MRC2: variants seen among roughly 807,000 people sequenced by gnomAD.
MRC2 encodes the protein C-type mannose receptor 2.
A neutral mutation model predicts 206.2 loss-of-function variants in MRC2; 84 were observed. The observed-to-expected ratio is 0.41, with a 90% CI of 0.34 to 0.49. The LOEUF is 0.49. MRC2 is among the 20% of genes least tolerant of loss of function. The pLI is 0.31. For synonymous variants in MRC2, 798 were observed against 800.0 expected, an observed-to-expected ratio of 1.00 and a Z score of 0.04; for missense variants, 1,676 against 2,001.5, an observed-to-expected ratio of 0.84 and a Z score of 3.10.
At position 62,690,164 on chromosome 17, in the gene MRC2, C is replaced by T. The variant is rs2089088529; in HGVS notation, c.3751C>T (p.Pro1251Ser). 1 of 1,604,484 alleles carries T rather than the reference C, an allele frequency of 6.2e-7. No individual in the cohort carries two copies. Among genetic ancestry groups the T allele is most frequent in the African/African-American group, 1.3e-5 (1 of 74,782 alleles). ...ATCCTGTACCCCCACAGGGCCCCCT[C>T]CTCCCCGAAGAATAAGCTACCATGG... is the stretch of plus-strand genomic sequence containing the variant. ...AVCGVSSGPPPPRRISYHGSC... is the reference protein window; with the variant it reads ...AVCGVSSGPPSPRRISYHGSC... The change falls in exon 26 of 30, where the codon CCT becomes TCT. Residue 1251 changes from proline (P) to serine (S), a missense_variant. Coordinates refer to ENST00000303375, the MANE Select transcript of MRC2 (RefSeq NM_006039.5).
chr17:62,674,259 C>G, intron 9 of MRC2, 89 bp downstream of exon 9: 1 of 907,130 alleles, frequency 1.1e-6, no homozygotes, highest in Admixed American at 2.8e-5. Flanking sequence ...CCTGCTGCCT[C>G]GCATGGCATC....
At chr17:62,691,939 C>T (rs1210822679) in intron 28 of MRC2, among the ~76,000 whole-genome samples, 173 bp from the exon 29 acceptor site, 1 of 152,200 alleles carries the variant, frequency 6.6e-6, no homozygotes, top group African/African-American at 2.4e-5. Flanking sequence ...AACCTGAAGT[C>T]TTGTCTCTTG....
chr17:62,656,169 C>A (rs989253727), intron 1 of MRC2, among the ~76,000 whole-genome samples: 2 of 152,172 alleles, frequency 1.3e-5, no homozygotes, highest in Non-Finnish European at 2.9e-5. Context: ...ACCTCAGCCT[C>A]CTGAGTAGTT....
chr17:62,638,796 T>A (rs931022391), intron 1 of MRC2, among the ~76,000 whole-genome samples: 2 of 149,998 alleles, frequency 1.3e-5, no homozygotes, highest in Non-Finnish European at 2.9e-5. Context: ...TGGGCGCCTG[T>A]AATCCCAGCT....
chr17:62,665,933 A>T (rs1212567259), intron 2 of MRC2, among the ~76,000 whole-genome samples, 161 bp from the exon 3 acceptor site: 1 of 152,180 alleles, frequency 6.6e-6, no homozygotes, highest in African/African-American at 2.4e-5. Context: ...ACAGCAGAAG[A>T]AGCCTTAAAG....
At position 62,663,284 on chromosome 17, in the gene MRC2, C is replaced by CCTCCTTCCTACCCTCCCTTG. The variant is rs1218678043; in HGVS notation, c.119-1254_119-1235dup. On this transcript the variant is annotated intron_variant, in intron 1 of 29. Coordinates refer to ENST00000303375, the MANE Select transcript of MRC2 (RefSeq NM_006039.5). Reference sequence around the variant, plus strand: ...CTAGTTTCTTCCTTTCTTTCTCTTTCCTCCTTCCTACCCTCCCTTGCTCCT... The same window carrying CCTCCTTCCTACCCTCCCTTG: ...CTAGTTTCTTCCTTTCTTTCTCTTTCCTCCTTCCTACCCTCCCTTGCTCCTTCCTACCCTCCCTTGCTCCT... Among the ~76,000 whole-genome samples, 13 of 144,088 alleles carry CCTCCTTCCTACCCTCCCTTG rather than the reference C, an allele frequency of 9.0e-5. No homozygotes were observed. In the Admixed American group the frequency reaches 9.7e-4, roughly 11 times the overall value. The allele number at this position is 144,088 out of a possible 152,430, so 94.5% of individuals were successfully genotyped here.
intron 20 of MRC2, among the ~76,000 whole-genome samples, chr17:62,682,631 T>A (rs1043240743): frequency 1.3e-5 from 2 of 152,054 alleles, no homozygotes; most frequent in Non-Finnish European, 2.9e-5. Flanking sequence ...AGATCAGTGA[T>A]TGCCAAAGAT....
rs377704089 is a variant in MRC2 at position 62,677,981 on chromosome 17, C to T, written c.2052+495C>T. On this transcript the variant is annotated intron_variant, in intron 12 of 29. Coordinates refer to ENST00000303375, the MANE Select transcript of MRC2 (RefSeq NM_006039.5). ...AGGAGAATGGCATGAACCCAGGAGG[C>T]GGAGCTTGCAGTGAGCCGAGATCGT... 3.9e-5 allele frequency among the ~76,000 whole-genome samples: 6 copies of T among 152,242 alleles called. No individual in the cohort carries two copies. In the East Asian group the frequency reaches 5.8e-4, roughly 15 times the overall value.
At chr17:62,676,073 A>G (rs1341244621) in intron 10 of MRC2, among the ~76,000 whole-genome samples, 168 bp downstream of exon 10, 4 of 152,166 alleles carry the variant, frequency 2.6e-5, no homozygotes, top group African/African-American at 9.7e-5. Flanking sequence ...AATGACTCTC[A>G]CTTGTTAAGT....
intron 25 of MRC2, 24 bp from the exon 26 acceptor site, chr17:62,690,132 C>A (rs773012036): frequency 6.3e-7 from 1 of 1,587,106 alleles, no homozygotes; most frequent in East Asian, 2.2e-5. Flanking sequence ...TGCTGAGCCA[C>A]TTCTTAATCC....
At chr17:62,659,101 T>C (rs766469836) in intron 1 of MRC2, among the ~76,000 whole-genome samples, 2 of 152,238 alleles carry the variant, frequency 1.3e-5, no homozygotes, top group African/African-American at 4.8e-5. Flanking sequence ...GTCTTCTCAC[T>C]GTACCCTCAC....
Position 62,688,904 on chromosome 17 carries a change from G to A in MRC2, c.3278G>A (p.Trp1093Ter). The A allele has an allele frequency of 6.2e-7, 1 of 1,613,824 alleles. No individual in the cohort carries two copies. ...HSPSAHFTGR[W>*]DDRSCTEETH... ...CCCTCAGCCCACTTCACTGGCCGCT[G>A]GGACGATCGGAGCTGCACGGAGGAG... Residue 1093 changes from tryptophan (W) to a stop codon, truncating the protein, a stop_gained, in exon 23 of 30, where the codon TGG becomes TAG. Transcript: ENST00000303375. LOFTEE classifies it high-confidence loss of function.
In MRC2 at chr17:62,677,398, A is replaced by G. The variant is rs1238967688; in HGVS notation, c.1964A>G (p.Glu655Gly). Residue 655 changes from glutamate to glycine, a missense_variant, in exon 12 of 30, where the codon GAG becomes GGG. This residue lies in a region of MRC2 where 1,354 missense variants were observed against 1,636.6 expected (regional missense o/e 0.83). Transcript: ENST00000303375. ...AGCCTGGGCACTCCAGTGACGCCGG[A>G]GCTGCCGGGGCCAGATCCCACGCCC... is the stretch of plus-strand genomic sequence containing the variant. Reference protein sequence around the residue: ...RQSLGTPVTPELPGPDPTPSL... With the variant: ...RQSLGTPVTPGLPGPDPTPSL... The G allele has an allele frequency of 6.2e-7, 1 of 1,611,344 alleles. No homozygotes were observed. The highest frequency in any genetic ancestry group is 8.5e-7 in the Non-Finnish European group (1 of 1,179,440).
At chr17:62,678,704 A>G (rs1481572488) in intron 13 of MRC2, 58 bp downstream of exon 13, 1 of 1,575,804 alleles carries the variant, frequency 6.3e-7, no homozygotes, top group African/African-American at 1.4e-5. Flanking sequence ...AGGAGCAGGC[A>G]TGGCCGACAG....
chr17:62,688,811 G>A, intron 22 of MRC2, 41 bp from the exon 23 acceptor site: 2 of 1,585,020 alleles, frequency 1.3e-6, no homozygotes, highest in South Asian at 1.1e-5. Context: ...AGCACAGGGA[G>A]GCAGCTGCTG....
intron 26 of MRC2, 71 bp downstream of exon 26, chr17:62,690,376 G>T: frequency 6.5e-7 from 1 of 1,532,476 alleles, no homozygotes; most frequent in Non-Finnish European, 8.8e-7. Context: ...TCAGACCCAT[G>T]AGTACATCCC....
rs910188498 is a variant in MRC2 at position 62,675,991 on chromosome 17, A to C, written c.1685+86A>C. On this transcript the variant is annotated intron_variant, in intron 10 of 29. Coordinates refer to ENST00000303375, the MANE Select transcript of MRC2 (RefSeq NM_006039.5). This position sits in a 1 kb window ranked among gnomAD's most constrained non-coding sequence, Gnocchi z 4.1. ...TTCAGCAAACAGGGTAGCATCTGCC[A>C]TCATGCCCAGAGGGACCTGGAGTCC... The C allele has an allele frequency of 1.7e-6, 2 of 1,145,512 alleles. No homozygotes were observed. Among genetic ancestry groups the C allele is most frequent in the East Asian group, 2.4e-5 (1 of 42,022 alleles). The allele number at this position is 1,145,512 out of a possible 1,614,324, so 71.0% of individuals were successfully genotyped here. A position where few individuals can be genotyped will look rare whatever the true frequency, so the allele number is the denominator to read the frequency against.
At chr17:62,690,331 C>T in intron 26 of MRC2, 26 bp downstream of exon 26, 1 of 1,584,496 alleles carries the variant, frequency 6.3e-7, no homozygotes, top group Non-Finnish European at 8.6e-7. Flanking sequence ...AGAGCCCACA[C>T]ATGGCGGGCA....
At chr17:62,658,318 A>G (rs1287288853) in intron 1 of MRC2, among the ~76,000 whole-genome samples, 1 of 152,206 alleles carries the variant, frequency 6.6e-6, no homozygotes, top group Non-Finnish European at 1.5e-5. Flanking sequence ...TTGTGGTCCC[A>G]GCATTGCCTG....
Sources: allele counts gnomAD v4.1 joint callset (sites outside exome capture counted in the v4.1 genomes callset), GRCh38; gene constraint gnomAD v4.1.1; regional missense constraint gnomAD v4.1.1; non-coding constraint Gnocchi (gnomAD v3.1); transcripts MANE v1.5; gene names NCBI Gene and HGNC (gene_info 2026-07-23, HGNC 2026-07-21).